The following DPYD variants were observed in gnomAD, a reference collection of about 807,000 sequenced individuals.
DPYD encodes dihydropyrimidine dehydrogenase [NADP(+)].
In DPYD, 109 loss-of-function variants were observed where a neutral mutation model predicts 116.2. The observed-to-expected ratio is 0.94, with a 90% CI of 0.80 to 1.10. The LOEUF (loss-of-function observed/expected upper bound fraction) is 1.10. Ranked by LOEUF, DPYD falls within the 50% of genes least tolerant of loss-of-function variation. DPYD has a pLI of 0.00. For synonymous variants in DPYD, 440 were observed against 432.0 expected (o/e 1.02, Z -0.23); for missense variants, 1,302 against 1,254.5 (o/e 1.04, Z -0.57).
intron 8 of DPYD, among the ~76,000 whole-genome samples, chr1:97,659,418 G>A (rs1283343915): frequency 2.0e-5 from 3 of 152,102 alleles, no homozygotes; most frequent in Admixed American, 6.5e-5. Context: ...TTGTATAAGA[G>A]TGGTATCAGC....
intron 10 of DPYD, among the ~76,000 whole-genome samples, chr1:97,585,012 A>G (rs1477348501): frequency 6.6e-6 from 1 of 151,406 alleles, no homozygotes; most frequent in Non-Finnish European, 1.5e-5. Flanking sequence ...GCTATCAGAA[A>G]TAATTTTGAG....
intron 16 of DPYD, among the ~76,000 whole-genome samples, chr1:97,309,177 A>G (rs569341257): frequency 6.6e-6 from 1 of 152,082 alleles, no homozygotes; most frequent in East Asian, 1.9e-4. Context: ...GTGATGGATA[A>G]TTAAGAAAAA....
intron 8 of DPYD, among the ~76,000 whole-genome samples, chr1:97,611,326 C>A (rs978594674): frequency 9.2e-5 from 14 of 152,000 alleles, no homozygotes; most frequent in Non-Finnish European, 1.5e-5. Context: ...CATTTCCCAC[C>A]AGGTTCCTCC....
intron 5 of DPYD, among the ~76,000 whole-genome samples, chr1:97,704,976 T>C (rs1023600199): frequency 1.3e-5 from 2 of 152,066 alleles, no homozygotes; most frequent in African/African-American, 4.8e-5. Context: ...ATATATCCTA[T>C]GTGCCAGGCT....
chr1:97,827,185 G>A (rs967638428), intron 3 of DPYD, among the ~76,000 whole-genome samples: 3 of 152,010 alleles, frequency 2.0e-5, no homozygotes, highest in East Asian at 3.9e-4. Context: ...ACCTTTCTAG[G>A]AAGCTCTTAG....
intron 16 of DPYD, among the ~76,000 whole-genome samples, chr1:97,313,167 G>C (rs1316203257): frequency 6.6e-6 from 1 of 151,858 alleles, no homozygotes; most frequent in Non-Finnish European, 1.5e-5. Flanking sequence ...AGAGCATGTA[G>C]CGCAGAACCT....
At chr1:97,469,488 T>C (rs1677523912) in intron 13 of DPYD, among the ~76,000 whole-genome samples, 1 of 151,024 alleles carries the variant, frequency 6.6e-6, no homozygotes. Context: ...GTTGATTTTT[T>C]AAAAAACAGT....
chr1:97,390,393 AC>A (rs2101599104), intron 14 of DPYD, among the ~76,000 whole-genome samples: 1 of 152,210 alleles, frequency 6.6e-6, no homozygotes, highest in Non-Finnish European at 1.5e-5. Flanking sequence ...ATTTTCAAAG[AC>A]ATTTAAACAA....
intron 11 of DPYD, among the ~76,000 whole-genome samples, chr1:97,551,440 TATATG>T (rs1651314126): frequency 6.6e-6 from 1 of 152,130 alleles, no homozygotes; most frequent in Admixed American, 6.6e-5. Context: ...CATTGAATGA[TATATG>T]TAATGAGCTT....
At chr1:97,451,253 C>G (rs539927103) in intron 13 of DPYD, among the ~76,000 whole-genome samples, 5 of 152,148 alleles carry the variant, frequency 3.3e-5, no homozygotes, top group Admixed American at 2.6e-4. Context: ...GACAGGAAAC[C>G]TTAATTAGCA....
chr1:97,418,574 A>G (rs1040702059), intron 14 of DPYD, among the ~76,000 whole-genome samples: 1 of 152,170 alleles, frequency 6.6e-6, no homozygotes, highest in African/African-American at 2.4e-5. Flanking sequence ...TGCTGGGATT[A>G]AAGGCGTGAG....
chr1:97,487,504 T>G (rs1678711863), intron 13 of DPYD, among the ~76,000 whole-genome samples: 1 of 152,004 alleles, frequency 6.6e-6, no homozygotes, highest in African/African-American at 2.4e-5. Context: ...AAACCCCATC[T>G]CTACTAAAAA....
chr1:97,117,260 T>A lies in DPYD; in HGVS notation c.2623-18628A>T, dbSNP rs1203923128. Among the ~76,000 whole-genome samples the A allele has an allele frequency of 2.6e-5, 4 of 152,328 alleles. No individual in the cohort carries two copies. The East Asian group carries it at 7.7e-4, about 29-fold the overall frequency. On this transcript the variant is annotated intron_variant, in intron 20 of 22. Transcript: ENST00000370192. ...CCAAAATAAAATCTTTATTGATTGA[T>A]TGACTGAATGCCTTGTAATTATCAA...
intron 16 of DPYD, among the ~76,000 whole-genome samples, chr1:97,311,416 A>G (rs1370502641): frequency 6.6e-6 from 1 of 151,776 alleles, no homozygotes; most frequent in Non-Finnish European, 1.5e-5. Context: ...ATGAAATGTG[A>G]TCAGCCTTAT....
intron 20 of DPYD, among the ~76,000 whole-genome samples, chr1:97,124,256 T>C (rs1652665565): frequency 6.6e-6 from 1 of 152,132 alleles, no homozygotes; most frequent in South Asian, 2.1e-4. Context: ...GGTATTTTAA[T>C]GTGTCATTAG....
At chr1:97,556,915 C>A (rs1356381074) in intron 11 of DPYD, among the ~76,000 whole-genome samples, 1 of 150,278 alleles carries the variant, frequency 6.7e-6, no homozygotes, top group Non-Finnish European at 1.5e-5. Flanking sequence ...GTTCTAGATC[C>A]CTGAGGAATT....
At chr1:97,313,799 C>T (rs557212793) in intron 16 of DPYD, among the ~76,000 whole-genome samples, 163 of 151,990 alleles carry the variant, frequency 1.1e-3, no homozygotes, top group Non-Finnish European at 2.0e-3. Flanking sequence ...CTGCATTTAT[C>T]ACAGTGTTTT....
intron 8 of DPYD, among the ~76,000 whole-genome samples, chr1:97,676,502 T>C (rs1660152977): frequency 1.3e-5 from 2 of 152,194 alleles, no homozygotes; most frequent in African/African-American, 2.4e-5. Flanking sequence ...GAGAAAGAAC[T>C]AAACGTTTAT....
At chr1:97,244,260 G>T (rs776131532) in intron 18 of DPYD, among the ~76,000 whole-genome samples, 1 of 151,988 alleles carries the variant, frequency 6.6e-6, no homozygotes, top group Non-Finnish European at 1.5e-5. Context: ...TAATTGCCAT[G>T]AAATGCCCTG....
Sources: gnomAD v4.1 joint callset for allele counts (sites outside exome capture counted in the v4.1 genomes callset) on GRCh38, gnomAD v4.1.1 for gene constraint, MANE v1.5 for transcripts, NCBI Gene and HGNC (gene_info 2026-07-23, HGNC 2026-07-21) for gene names.